The following CWC25 variants were observed in gnomAD, a reference collection of about 807,000 sequenced individuals.
The protein encoded by CWC25 is CWC25 spliceosome associated protein.
A neutral mutation model predicts 54.6 loss-of-function variants in CWC25; 31 were observed. The ratio of observed to expected loss-of-function variants is 0.57; its 90% confidence interval spans 0.43 to 0.77. The LOEUF (loss-of-function observed/expected upper bound fraction) is 0.77. Among genes scored for constraint, CWC25 ranks in the 30% least tolerant of loss-of-function variants. The pLI is 0.00. For missense variants in CWC25, 453 were observed against 529.3 expected, an observed-to-expected ratio of 0.86 and a Z score of 1.41; for synonymous variants, 151 against 187.0, an observed-to-expected ratio of 0.81 and a Z score of 1.57.
rs148179320 is a variant in CWC25, at chr17:38,813,475, A to G, written c.429-611T>C. ...GTGACGGAGTGAGACCCTGTCTCAA[A>G]AAAAATAAATAAATAAAAAACGACA... On this transcript the variant is annotated intron_variant, in intron 3 of 9. Transcript: ENST00000614790. Among the ~76,000 whole-genome samples the G allele has an allele frequency of 4.4e-3, 661 of 151,940 alleles. 7 individuals are homozygous for G. Among genetic ancestry groups the G allele is most frequent in the African/African-American group, 0.016 (644 of 41,424 alleles).
intron 6 of CWC25, 70 bp from the exon 7 acceptor site, chr17:38,807,046 G>T: frequency 8.1e-7 from 1 of 1,239,278 alleles, no homozygotes; most frequent in Non-Finnish European, 1.1e-6. Flanking sequence ...ACGCGGCCGG[G>T]CTCAGTGGCT....
intron 1 of CWC25, among the ~76,000 whole-genome samples, chr17:38,822,015 G>A (rs1047223790): frequency 1.3e-5 from 2 of 151,824 alleles, no homozygotes; most frequent in African/African-American, 2.4e-5. Flanking sequence ...TGATCTGCCC[G>A]CAGTGGCCTC....
In CWC25 at chr17:38,825,235, C is replaced by T; in HGVS notation, c.-52G>A. ...CGGATCTGGAAGATTTCGGGAGGAT[C>T]AAGAGAAAACGTAGAGAAATAGTTC... On this transcript the variant is annotated 5_prime_UTR_variant, in exon 1 of 10. Coordinates refer to ENST00000614790, the MANE Select transcript of CWC25 (RefSeq NM_017748.5). 6.4e-7 allele frequency: 1 copy of T among 1,558,220 alleles called. No individual in the cohort carries two copies.
intron 1 of CWC25, among the ~76,000 whole-genome samples, chr17:38,822,991 C>G (rs929523509): frequency 2.0e-5 from 3 of 151,290 alleles, no homozygotes; most frequent in African/African-American, 4.9e-5. Context: ...ACATCCGCCA[C>G]CATGCCCAGC....
At chr17:38,824,336 G>A (rs1598080782) in intron 1 of CWC25, among the ~76,000 whole-genome samples, 5 of 152,278 alleles carry the variant, frequency 3.3e-5, no homozygotes, top group South Asian at 2.1e-4. Flanking sequence ...TCAGAATCCA[G>A]CACTGAAGGA....
chr17:38,807,073 G>C (rs900655249), intron 6 of CWC25, 97 bp from the exon 7 acceptor site: 1 of 947,318 alleles, frequency 1.1e-6, no homozygotes, highest in Non-Finnish European at 1.6e-6. Context: ...TGTAATCCCA[G>C]CACTTTGGGA....
rs752702222 is a variant in CWC25 at position 38,820,900 on chromosome 17, C to G, written c.191+1G>C. On this transcript the variant is annotated splice_donor_variant, in intron 2 of 9. Coordinates refer to ENST00000614790, the MANE Select transcript of CWC25 (RefSeq NM_017748.5). LOFTEE classifies it high-confidence loss of function. ...AAGCGCACCCCCAGCTCCTCACTTACTTGACGGCCCCAACATCCTCCGCAT... is the reference window on the plus strand; with the variant it reads ...AAGCGCACCCCCAGCTCCTCACTTAGTTGACGGCCCCAACATCCTCCGCAT... The G allele has an allele frequency of 1.6e-5, 26 of 1,609,516 alleles. No individual in the cohort carries two copies. Among genetic ancestry groups the G allele is most frequent in the Non-Finnish European group, 5.1e-6 (6 of 1,177,938 alleles).
chr17:38,804,105 GT>G (rs2143542102), intron 8 of CWC25, among the ~76,000 whole-genome samples: 1 of 152,020 alleles, frequency 6.6e-6, no homozygotes, highest in East Asian at 1.9e-4. Flanking sequence ...CAAAGACATG[GT>G]TTAGATTGCA....
At chr17:38,815,697 C>G (rs1309489855) in intron 2 of CWC25, 2 of 1,280,610 alleles carry the variant, frequency 1.6e-6, no homozygotes, top group South Asian at 1.2e-5. Context: ...CTTCTCGAGT[C>G]TCCTTTACAG....
intron 7 of CWC25, 117 bp from the exon 8 acceptor site, chr17:38,806,512 G>A (rs918763601): frequency 1.2e-5 from 11 of 939,520 alleles, no homozygotes; most frequent in South Asian, 3.1e-5. Flanking sequence ...CTAAGTGTGA[G>A]AAAAACAAAG....
chr17:38,820,825 T>C (rs1379040091), intron 2 of CWC25, 76 bp downstream of exon 2: 1 of 1,504,256 alleles, frequency 6.6e-7, no homozygotes, highest in East Asian at 2.3e-5. Flanking sequence ...TCAGCCATTA[T>C]ACAACACTGG....
rs142609049 is a variant in CWC25 at position 38,820,367 on chromosome 17, G to A, written c.191+534C>T. ...ATGGGGTAGTTATTATCTGCTACTC[G>A]TATCCTATATTATACAACAGGAAAT... On this transcript the variant is annotated intron_variant, in intron 2 of 9. Coordinates refer to ENST00000614790, the MANE Select transcript of CWC25 (RefSeq NM_017748.5). 9.2e-5 allele frequency among the ~76,000 whole-genome samples: 14 copies of A among 152,160 alleles called. No individual in the cohort carries two copies. In the South Asian group the frequency reaches 1.7e-3, roughly 18 times the overall value.
chr17:38,813,507 T>C (rs1334905330), intron 3 of CWC25, among the ~76,000 whole-genome samples: 2 of 144,360 alleles, frequency 1.4e-5, no homozygotes, highest in Non-Finnish European at 3.0e-5. Flanking sequence ...GACATGATGG[T>C]GTCAAAGCCA....
At chr17:38,809,082 CAAA>C (rs1402224890) in intron 6 of CWC25, among the ~76,000 whole-genome samples, 13 of 120,034 alleles carry the variant, frequency 1.1e-4, no homozygotes, top group Non-Finnish European at 7.2e-5. Flanking sequence ...CACTGCTACT[CAAA>C]AAAAAAAAAA....
intron 2 of CWC25, among the ~76,000 whole-genome samples, chr17:38,817,172 C>T (rs1911734308): frequency 6.6e-6 from 1 of 150,528 alleles, no homozygotes; most frequent in African/African-American, 2.4e-5. Context: ...AACCCCGTCT[C>T]TACTAAAAAT....
chr17:38,815,118 GA>G, intron 2 of CWC25, 21 bp from the exon 3 acceptor site: 1 of 1,597,452 alleles, frequency 6.3e-7, no homozygotes, highest in Non-Finnish European at 8.5e-7. Flanking sequence ...GGAAGAAAAA[GA>G]AATACAATTT....
rs1278906465 is a variant in CWC25, at chr17:38,800,961, T to G, written c.*1131A>C. The G allele has an allele frequency of 5.9e-5, 9 of 151,732 alleles. No homozygotes were observed. The highest frequency in any genetic ancestry group is 1.3e-4 in the Non-Finnish European group (9 of 67,908). The allele number at this position is 151,732 out of a possible 1,614,324, so 9.4% of individuals were successfully genotyped here. On this transcript the variant is annotated 3_prime_UTR_variant, in exon 10 of 10. Transcript: ENST00000614790. ...ACCACGCCCGGCTAATTTTTTGTAT[T>G]TTTTTAGTAGAGACGGGGTTTCACC...
rs34222704 is a variant in CWC25, at chr17:38,802,522, C to T, written c.1163+178G>A. Among the ~76,000 whole-genome samples, 82 of 152,324 alleles carry T rather than the reference C, an allele frequency of 5.4e-4. 1 individual carries two copies. Among genetic ancestry groups the T allele is most frequent in the African/African-American group, 1.6e-3 (68 of 41,570 alleles). ...TTTAGAAAATACCAAATTCACTTCT[C>T]CTCCCCTCAAATGAAAAACATCCCA... On this transcript the variant is annotated intron_variant, in intron 9 of 9. Coordinates refer to ENST00000614790, the MANE Select transcript of CWC25 (RefSeq NM_017748.5).
chr17:38,801,404 T>C lies in CWC25; in HGVS notation c.*688A>G, dbSNP rs919842516. 1 of 152,198 alleles carries C rather than the reference T, an allele frequency of 6.6e-6. No individual in the cohort carries two copies. Among genetic ancestry groups the C allele is most frequent in the Non-Finnish European group, 1.5e-5 (1 of 68,032 alleles). 9.4% of individuals were successfully genotyped at this position (152,198 alleles called of 1,614,324 possible). A position where few individuals can be genotyped will look rare whatever the true frequency, so the allele number is the denominator to read the frequency against. ...AGAAAAACGAGCTGGCCTGCCTTAT[T>C]GTATTACTTGCCATCAAGGTTCAAT... On this transcript the variant is annotated 3_prime_UTR_variant, in exon 10 of 10. Coordinates refer to ENST00000614790, the MANE Select transcript of CWC25 (RefSeq NM_017748.5).
Sources: allele counts gnomAD v4.1 joint callset (sites outside exome capture counted in the v4.1 genomes callset), GRCh38; gene constraint gnomAD v4.1.1; transcripts MANE v1.5; gene names NCBI Gene and HGNC (gene_info 2026-07-23, HGNC 2026-07-21).